UNC5B: variants seen among roughly 807,000 people sequenced by gnomAD.
The protein encoded by UNC5B is unc-5 netrin receptor B, also known as netrin receptor UNC5B.
UNC5B carries 56 observed loss-of-function variants against 103.7 expected under a neutral mutation model. The ratio of observed to expected loss-of-function variants is 0.54; its 90% CI spans 0.44 to 0.67. The LOEUF (loss-of-function observed/expected upper bound fraction) is 0.67. Ranked by LOEUF, UNC5B falls within the 30% of genes least tolerant of loss-of-function variation. The pLI is 0.00. For synonymous variants in UNC5B, 577 were observed against 542.0 expected (o/e 1.06, Z -0.90); for missense variants, 1,194 against 1,284.5 (o/e 0.93, Z 1.08).
At position 71,286,546 on chromosome 10, in the gene UNC5B, G is replaced by A. The variant is rs1190765120; in HGVS notation, c.553-143G>A. The A allele has an allele frequency of 2.2e-5, 24 of 1,082,200 alleles. No homozygotes were observed. In the East Asian group the frequency reaches 5.5e-4, roughly 25 times the overall value. The allele number at this position is 1,082,200 out of a possible 1,614,324, so 67.0% of individuals were successfully genotyped here. On this transcript the variant is annotated intron_variant, in intron 4 of 16. Transcript: ENST00000335350. The stretch of plus-strand genomic sequence containing the variant: ...AAATGGTGCTCTTAACCCCAGAGCT[G>A]TACAGTGTCCAGTGCTATAGTCCCA...
chr10:71,243,545 A>G (rs1163825465), intron 1 of UNC5B, among the ~76,000 whole-genome samples: 3 of 152,250 alleles, frequency 2.0e-5, no homozygotes, highest in Admixed American at 6.5e-5. Flanking sequence ...TGGATGGCAC[A>G]GCTCTGAAGG....
chr10:71,291,490 C>T lies in UNC5B; in HGVS notation c.1353C>T (p.Ile451=), dbSNP rs766102762. ...CTGACCTGACAGCCAGCGCCGGCAT[C>T]TACCGCGGACCCGTGTATGCCCTGC... ...VPPDLTASAG[I]YRGPVYALQD... The change falls in exon 10 of 17, where the codon ATC becomes ATT. Residue 451 remains isoleucine, a synonymous_variant. Coordinates refer to ENST00000335350, the MANE Select transcript of UNC5B (RefSeq NM_170744.5). 19 of 1,614,014 alleles carry T rather than the reference C, an allele frequency of 1.2e-5. No individual in the cohort carries two copies. The East Asian group carries it at 4.2e-4, about 36-fold the overall frequency.
At chr10:71,291,280 G>T in intron 9 of UNC5B, 152 bp from the exon 10 acceptor site, 1 of 1,343,072 alleles carries the variant, frequency 7.4e-7, no homozygotes. Flanking sequence ...GAGAAGGAAG[G>T]GAGTGACCCA....
intron 1 of UNC5B, among the ~76,000 whole-genome samples, chr10:71,246,152 A>G (rs1269038559): frequency 1.3e-5 from 2 of 152,182 alleles, no homozygotes; most frequent in Non-Finnish European, 2.9e-5. Flanking sequence ...CCAGTTCAGA[A>G]GCCCAGCAGT....
intron 1 of UNC5B, among the ~76,000 whole-genome samples, chr10:71,229,055 G>T (rs1017131210): frequency 5.3e-5 from 8 of 152,174 alleles, no homozygotes; most frequent in Admixed American, 2.6e-4. Flanking sequence ...GTTGCCTGTG[G>T]AGTGACTGGG....
rs200142644 is a variant in UNC5B, at chr10:71,280,054, G to A, written c.304+9G>A. The A allele has an allele frequency of 1.4e-5, 22 of 1,612,706 alleles. No homozygotes were observed. The highest frequency in any genetic ancestry group is 1.1e-4 in the African/African-American group (8 of 75,054). ...CCTGGATGAGGCCACCGGTGAGCCC[G>A]CCCCACTTGCCTGGGCACCCCAGGA... On this transcript the variant is annotated intron_variant, in intron 2 of 16. Transcript: ENST00000335350.
chr10:71,280,222 G>C (rs1047898244), intron 2 of UNC5B, among the ~76,000 whole-genome samples, 177 bp downstream of exon 2: 1 of 152,118 alleles, frequency 6.6e-6, no homozygotes, highest in East Asian at 1.9e-4. Flanking sequence ...GGACAGCACC[G>C]AGTGCCCTGT....
chr10:71,237,681 G>A (rs888431154), intron 1 of UNC5B, among the ~76,000 whole-genome samples: 2 of 152,244 alleles, frequency 1.3e-5, no homozygotes, highest in African/African-American at 4.8e-5. Context: ...CGTATTGGAA[G>A]CCTCCTGCCT....
At chr10:71,257,734 G>A (rs905004379) in intron 1 of UNC5B, among the ~76,000 whole-genome samples, 4 of 152,238 alleles carry the variant, frequency 2.6e-5, no homozygotes, top group African/African-American at 9.6e-5. Context: ...GGCCTGACAA[G>A]GAGTGAGGAA....
chr10:71,270,813 C>A (rs1003940130), intron 1 of UNC5B, among the ~76,000 whole-genome samples: 3 of 152,188 alleles, frequency 2.0e-5, no homozygotes, highest in Non-Finnish European at 4.4e-5. Context: ...CCCATGCCAA[C>A]CCTGGGTCAG....
intron 11 of UNC5B, 25 bp from the exon 12 acceptor site, chr10:71,293,380 T>G (rs766654876): frequency 6.3e-7 from 1 of 1,588,544 alleles, no homozygotes; most frequent in South Asian, 1.1e-5. Context: ...TCACTGCCTC[T>G]CTCCTACCCT....
At chr10:71,293,979 C>T (rs757805543) in intron 13 of UNC5B, 46 bp downstream of exon 13, 1 of 1,498,134 alleles carries the variant, frequency 6.7e-7, no homozygotes, top group Admixed American at 2.0e-5. Flanking sequence ...CGGCCAGCTG[C>T]ATGATCCCTG....
In UNC5B at chr10:71,233,988, T is replaced by G. The variant is rs371075546; in HGVS notation, c.79+20924T>G. The stretch of plus-strand genomic sequence containing the variant: ...ACAGGCACACTTGATTTGATGCTTC[T>G]CTGCCTGATGAGTGTGCAAGTACAG... On this transcript the variant is annotated intron_variant, in intron 1 of 16. Transcript: ENST00000335350. Among the ~76,000 whole-genome samples, 40 of 152,390 alleles carry G rather than the reference T, an allele frequency of 2.6e-4. No individual in the cohort carries two copies. The East Asian group carries it at 7.5e-3, about 29-fold the overall frequency.
In UNC5B at chr10:71,273,717, G is replaced by A. The variant is rs75495318; in HGVS notation, c.80-6104G>A. On this transcript the variant is annotated intron_variant, in intron 1 of 16. Transcript: ENST00000335350. ...GACAAGCTCCACTCCACTCCTAGAC[G>A]GGCGCCCTGTTGCCCATGGGGGACA... Among the ~76,000 whole-genome samples, 882 of 152,302 alleles carry A rather than the reference G, an allele frequency of 5.8e-3. 4 individuals carry two copies. The highest frequency in any genetic ancestry group is 0.02 in the African/African-American group (815 of 41,552).
chr10:71,218,691 C>T (rs1040100473), intron 1 of UNC5B, among the ~76,000 whole-genome samples: 3 of 152,220 alleles, frequency 2.0e-5, no homozygotes, highest in African/African-American at 7.2e-5. Context: ...GACCTGGAGT[C>T]TTCTGCAGTC....
At chr10:71,284,973 GGAT>G (rs1418272154) in intron 3 of UNC5B, 110 bp downstream of exon 3, 1 of 1,458,920 alleles carries the variant, frequency 6.9e-7, no homozygotes, top group African/African-American at 1.4e-5. Flanking sequence ...CCCTGGCTGA[GGAT>G]GCCCACGGCA....
intron 1 of UNC5B, among the ~76,000 whole-genome samples, chr10:71,228,338 A>T (rs77228343): frequency 0.013 from 1,962 of 152,302 alleles, 41 homozygotes; most frequent in African/African-American, 0.041. Flanking sequence ...GCAATAAAAT[A>T]AAAAAACTGA....
chr10:71,249,101 G>A (rs1331290394), intron 1 of UNC5B, among the ~76,000 whole-genome samples: 1 of 152,158 alleles, frequency 6.6e-6, no homozygotes, highest in Non-Finnish European at 1.5e-5. Flanking sequence ...CAAGCTTTCA[G>A]TCCCTTTTTG....
intron 3 of UNC5B, 136 bp downstream of exon 3, chr10:71,284,999 C>T: frequency 7.8e-7 from 1 of 1,290,014 alleles, no homozygotes; most frequent in South Asian, 1.5e-5. Context: ...GACATCCCAG[C>T]ACATGGATGC....
Sources: allele counts gnomAD v4.1 joint callset (sites outside exome capture counted in the v4.1 genomes callset), GRCh38; gene constraint gnomAD v4.1.1; transcripts MANE v1.5; gene names NCBI Gene and HGNC (gene_info 2026-07-23, HGNC 2026-07-21).